Variants in VTI1A observed in about 807,000 individuals in gnomAD.
The protein encoded by VTI1A is vesicle transport through interaction with t-SNAREs 1A.
Under a neutral mutation model 34.9 loss-of-function variants are expected in VTI1A, and 22 were observed. The observed-to-expected ratio is 0.63, with a 90% CI of 0.45 to 0.90. VTI1A has a LOEUF of 0.90. VTI1A is among the 40% of genes least tolerant of loss of function. The probability of loss-of-function intolerance (pLI) is 0.00; values close to 1 mark genes in which losing one functional copy is unlikely to be tolerated. For synonymous variants in VTI1A, 87 were observed against 97.3 expected (o/e 0.89, Z 0.62); for missense variants, 268 against 275.6 (o/e 0.97, Z 0.20).
chr10:112,702,502 C>T (rs1849044154), intron 7 of VTI1A, among the ~76,000 whole-genome samples: 2 of 152,186 alleles, frequency 1.3e-5, no homozygotes, highest in Admixed American at 1.3e-4. Context: ...TCACTGAAAC[C>T]TCCACCTCCC....
intron 5 of VTI1A, among the ~76,000 whole-genome samples, chr10:112,586,727 G>A (rs1266442275): frequency 2.6e-5 from 4 of 152,010 alleles, no homozygotes; most frequent in South Asian, 4.2e-4. Context: ...TAACAAAGTC[G>A]GAAGTCAAAA....
At chr10:112,484,500 GA>G (rs1848552073) in intron 3 of VTI1A, among the ~76,000 whole-genome samples, 2 of 152,242 alleles carry the variant, frequency 1.3e-5, no homozygotes, top group Middle Eastern at 6.8e-3. Context: ...AGGACTTCAT[GA>G]TAGATTTTCT....
At chr10:112,790,305 T>C (rs1852418088) in intron 7 of VTI1A, among the ~76,000 whole-genome samples, 1 of 152,162 alleles carries the variant, frequency 6.6e-6, no homozygotes, top group African/African-American at 2.4e-5. Flanking sequence ...TTCAGCCAGT[T>C]CCCAAGCTTG....
chr10:112,656,498 C>A (rs1847232971), intron 5 of VTI1A, among the ~76,000 whole-genome samples: 1 of 144,538 alleles, frequency 6.9e-6, no homozygotes. Context: ...ACTGGGAATA[C>A]AGGAGCATAC....
At chr10:112,459,057 A>G (rs2134037229) in intron 1 of VTI1A, among the ~76,000 whole-genome samples, 1 of 152,276 alleles carries the variant, frequency 6.6e-6, no homozygotes, top group African/African-American at 2.4e-5. Flanking sequence ...ACCCATTTCA[A>G]GCTTCATGAC....
At chr10:112,609,180 G>C (rs1457214290) in intron 5 of VTI1A, among the ~76,000 whole-genome samples, 1 of 152,074 alleles carries the variant, frequency 6.6e-6, no homozygotes, top group African/African-American at 2.4e-5. Context: ...CTACCAAAAA[G>C]CTGGGCATAT....
At chr10:112,779,618 C>T (rs1355112776) in intron 7 of VTI1A, among the ~76,000 whole-genome samples, 1 of 152,170 alleles carries the variant, frequency 6.6e-6, no homozygotes, top group Non-Finnish European at 1.5e-5. Context: ...AGCACATGCT[C>T]ATCCCACTAT....
intron 7 of VTI1A, among the ~76,000 whole-genome samples, chr10:112,758,356 C>A (rs1191914809): frequency 6.6e-6 from 1 of 152,096 alleles, no homozygotes; most frequent in Non-Finnish European, 1.5e-5. Context: ...CTATGTCTAC[C>A]CCTCATCTCA....
chr10:112,583,420 G>T (rs186738228), intron 5 of VTI1A, among the ~76,000 whole-genome samples: 50 of 152,320 alleles, frequency 3.3e-4, no homozygotes, highest in Admixed American at 5.9e-4. Flanking sequence ...ATTCAGGTCT[G>T]TTGTCCTAAG....
intron 3 of VTI1A, among the ~76,000 whole-genome samples, chr10:112,491,119 C>T (rs1216295425): frequency 3.3e-5 from 5 of 152,104 alleles, no homozygotes; most frequent in African/African-American, 9.6e-5. Context: ...ATGTATGGCA[C>T]CAAACTCAGG....
At chr10:112,686,789 T>C (rs541708042) in intron 7 of VTI1A, among the ~76,000 whole-genome samples, 218 of 152,334 alleles carry the variant, frequency 1.4e-3, no homozygotes, top group South Asian at 3.5e-3. Flanking sequence ...GTCTTTCTTT[T>C]CACACGTTAT....
At chr10:112,523,445 T>C (rs1246810845) in intron 3 of VTI1A, among the ~76,000 whole-genome samples, 3 of 152,138 alleles carry the variant, frequency 2.0e-5, no homozygotes, top group African/African-American at 4.8e-5. Flanking sequence ...TTTTCTATAG[T>C]TCATATACGA....
intron 5 of VTI1A, among the ~76,000 whole-genome samples, chr10:112,609,554 G>A (rs999227872): frequency 5.9e-5 from 9 of 152,172 alleles, no homozygotes; most frequent in Non-Finnish European, 1.3e-4. Context: ...ATGGATACAT[G>A]AATGGTATGG....
At chr10:112,833,300 A>C in the VTI1A span, among the ~76,000 whole-genome samples, 1 of 151,224 alleles carries the variant, frequency 6.6e-6, no homozygotes, top group Admixed American at 6.6e-5. Flanking sequence ...TCACCTGCAT[A>C]CCTCTTCCCC....
At chr10:112,528,683 A>T (rs1850324274) in intron 4 of VTI1A, among the ~76,000 whole-genome samples, 1 of 152,184 alleles carries the variant, frequency 6.6e-6, no homozygotes, top group African/African-American at 2.4e-5. Context: ...ATCTACTGCA[A>T]AAAACACTAT....
At position 112,484,609 on chromosome 10, in the gene VTI1A, CTTAA is replaced by C. The variant is rs140556264; in HGVS notation, c.264+19957_264+19960del. Among the ~76,000 whole-genome samples the C allele has an allele frequency of 5.1e-3, 778 of 152,200 alleles. 7 individuals carry two copies. Among genetic ancestry groups the C allele is most frequent in the African/African-American group, 0.017 (723 of 41,520 alleles). On this transcript the variant is annotated intron_variant, in intron 3 of 7. Transcript: ENST00000393077. Reference sequence around the variant, plus strand: ...GAAATGATTTATCGATTTTCACTTACTTAATTAAGTTTTATTACTTCAACCAGTT... The same window carrying C: ...GAAATGATTTATCGATTTTCACTTACTTAAGTTTTATTACTTCAACCAGTT...
chr10:112,472,791 G>T (rs1209992643), intron 3 of VTI1A, among the ~76,000 whole-genome samples: 10 of 152,060 alleles, frequency 6.6e-5, no homozygotes, highest in African/African-American at 2.4e-4. Context: ...CTTCTTACAG[G>T]ACCATAAGTG....
chr10:112,479,268 G>C (rs1326448948), intron 3 of VTI1A, among the ~76,000 whole-genome samples: 3 of 151,610 alleles, frequency 2.0e-5, no homozygotes, highest in Non-Finnish European at 2.9e-5. Flanking sequence ...TCTGTAGTAC[G>C]GGGCTTTAGG....
At chr10:112,607,344 A>G (rs1845123861) in intron 5 of VTI1A, among the ~76,000 whole-genome samples, 1 of 152,026 alleles carries the variant, frequency 6.6e-6, no homozygotes. Flanking sequence ...CCAAGACCAT[A>G]TAGGCAGGAG....
Sources: gnomAD v4.1 joint callset for allele counts (sites outside exome capture counted in the v4.1 genomes callset) on GRCh38, gnomAD v4.1.1 for gene constraint, MANE v1.5 for transcripts, NCBI Gene and HGNC (gene_info 2026-07-23, HGNC 2026-07-21) for gene names.